RANBP2: variants seen among roughly 807,000 people sequenced by gnomAD.
RANBP2 encodes RAN binding protein 2.
A neutral mutation model predicts 303.6 loss-of-function variants in RANBP2; 57 were observed. That is an observed-to-expected ratio of 0.19 (90% CI 0.15 to 0.23). The LOEUF is 0.23. Ranked by LOEUF, RANBP2 falls within the 10% of genes least tolerant of loss-of-function variation. The pLI is 1.00. For missense variants in RANBP2, 3,138 were observed against 3,780.8 expected (o/e 0.83, Z 4.46); for synonymous variants, 1,167 against 1,301.5 (o/e 0.90, Z 2.23).
chr2:109,627,880 T>G, the RANBP2 span, among the ~76,000 whole-genome samples: 1 of 152,246 alleles, frequency 6.6e-6, no homozygotes, highest in Non-Finnish European at 1.5e-5. Flanking sequence ...ACACAATTTA[T>G]CCCTTCAACA....
At chr2:109,684,182 T>C in the RANBP2 span, among the ~76,000 whole-genome samples, 1 of 151,452 alleles carries the variant, frequency 6.6e-6, no homozygotes, top group Non-Finnish European at 1.5e-5. Flanking sequence ...CCACAAATGA[T>C]CCACCCGCCT....
chr2:109,136,457 G>T, the RANBP2 span, among the ~76,000 whole-genome samples: 1 of 152,182 alleles, frequency 6.6e-6, no homozygotes, highest in East Asian at 1.9e-4. Flanking sequence ...TACAGATCAT[G>T]CAGGCACCCC....
chr2:109,139,582 C>G, the RANBP2 span, among the ~76,000 whole-genome samples: 2 of 152,034 alleles, frequency 1.3e-5, no homozygotes, highest in African/African-American at 2.4e-5. Context: ...AAATGTGTTC[C>G]TTATGGAATT....
At chr2:109,397,223 G>A in the RANBP2 span, among the ~76,000 whole-genome samples, 1 of 152,116 alleles carries the variant, frequency 6.6e-6, no homozygotes. Flanking sequence ...GACAGCTCCC[G>A]CTTCCTCCTG....
chr2:109,204,940 G>C, the RANBP2 span, among the ~76,000 whole-genome samples: 1 of 152,202 alleles, frequency 6.6e-6, no homozygotes, highest in Admixed American at 6.5e-5. Context: ...GGGCATGGTG[G>C]CTCATGCCTG....
the RANBP2 span, among the ~76,000 whole-genome samples, chr2:109,404,332 G>A: frequency 6.6e-6 from 1 of 152,236 alleles, no homozygotes. Flanking sequence ...GCTGGGAGCT[G>A]TGTAAGGTGA....
the RANBP2 span, among the ~76,000 whole-genome samples, chr2:109,069,513 C>T: frequency 5.3e-5 from 8 of 152,208 alleles, no homozygotes; most frequent in Non-Finnish European, 7.3e-5. Context: ...ATGGCCTCTC[C>T]TGACAGATAG....
the RANBP2 span, among the ~76,000 whole-genome samples, chr2:108,844,209 T>C: frequency 2.0e-5 from 3 of 152,262 alleles, no homozygotes; most frequent in Middle Eastern, 3.4e-3. Context: ...TCCTGGACTC[T>C]AATGACGTGA....
the RANBP2 span, among the ~76,000 whole-genome samples, chr2:109,291,626 T>C: frequency 1.3e-5 from 2 of 152,158 alleles, no homozygotes; most frequent in Non-Finnish European, 2.9e-5. Context: ...TGGGGAAATG[T>C]GTGGAGGAAT....
the RANBP2 span, among the ~76,000 whole-genome samples, chr2:109,078,274 A>AGCGCG: frequency 6.1e-5 from 3 of 49,148 alleles, no homozygotes; most frequent in African/African-American, 2.6e-4. Context: ...GCGCGTATAT[A>AGCGCG]TATATATATA....
At chr2:108,726,448 T>G (rs1488395833) in intron 1 of RANBP2, among the ~76,000 whole-genome samples, 1 of 151,380 alleles carries the variant, frequency 6.6e-6, no homozygotes, top group Non-Finnish European at 1.5e-5. Context: ...GTTTTTTTTT[T>G]TTTTTGGCTT....
chr2:109,403,974 C>CT, the RANBP2 span, among the ~76,000 whole-genome samples: 5 of 152,150 alleles, frequency 3.3e-5, no homozygotes, highest in Non-Finnish European at 7.4e-5. Context: ...TGTGGTGGCT[C>CT]TTTCTGCTGC....
the RANBP2 span, among the ~76,000 whole-genome samples, chr2:108,998,778 T>C: frequency 6.6e-6 from 1 of 152,262 alleles, no homozygotes; most frequent in East Asian, 1.9e-4. Flanking sequence ...CATCTTCCCA[T>C]TTTTAAATAT....
At chr2:109,210,201 A>G in the RANBP2 span, among the ~76,000 whole-genome samples, 1 of 152,200 alleles carries the variant, frequency 6.6e-6, no homozygotes, top group East Asian at 1.9e-4. Flanking sequence ...GTATTCATTC[A>G]TCTGTTCACA....
the RANBP2 span, among the ~76,000 whole-genome samples, chr2:109,597,804 A>G: frequency 2.0e-5 from 3 of 152,184 alleles, no homozygotes; most frequent in Admixed American, 1.3e-4. Flanking sequence ...CTGGTGCTGC[A>G]CCTTTTTTAA....
At chr2:109,548,815 G>A in the RANBP2 span, among the ~76,000 whole-genome samples, 1 of 139,192 alleles carries the variant, frequency 7.2e-6, no homozygotes, top group Non-Finnish European at 1.6e-5. Flanking sequence ...CATAATATTT[G>A]AGGAAATATT....
chr2:109,767,176 G>A, the RANBP2 span, among the ~76,000 whole-genome samples: 1 of 140,162 alleles, frequency 7.1e-6, no homozygotes, highest in Non-Finnish European at 1.5e-5. Context: ...TATACCCTTT[G>A]CTTTCTTAAA....
chr2:108,773,068 T>C, intron 23 of RANBP2, 22 bp downstream of exon 23: 1 of 1,594,808 alleles, frequency 6.3e-7, no homozygotes, highest in Non-Finnish European at 8.6e-7. Flanking sequence ...TCTAATAAAT[T>C]TTCCTTCTAG....
the RANBP2 span, chr2:108,896,605 ACATTGTCT>A: frequency 3.6e-5 from 14 of 389,586 alleles, no homozygotes; most frequent in Middle Eastern, 7.4e-4. Context: ...TGAGTCCTCA[ACATTGTCT>A]CATTGTTCAG....
Sources: allele counts gnomAD v4.1 joint callset (sites outside exome capture counted in the v4.1 genomes callset), GRCh38; gene constraint gnomAD v4.1.1; transcripts MANE v1.5; gene names NCBI Gene and HGNC (gene_info 2026-07-23, HGNC 2026-07-21).